EPHA3: variants seen among roughly 807,000 people sequenced by gnomAD.
The protein encoded by EPHA3 is EPH receptor A3, also known as ephrin type-A receptor 3.
Under a neutral mutation model 107.1 loss-of-function variants are expected in EPHA3, and 42 were observed. That is an observed-to-expected ratio of 0.39 (90% CI 0.31 to 0.51). The LOEUF (loss-of-function observed/expected upper bound fraction) is 0.51. Ranked by LOEUF, EPHA3 falls within the 20% of genes least tolerant of loss-of-function variation. The pLI, the probability that EPHA3 is intolerant of heterozygous loss-of-function variation, is 0.78. For synonymous variants in EPHA3, 461 were observed against 424.8 expected, an observed-to-expected ratio of 1.09 and a Z score of -1.05; for missense variants, 1,183 against 1,211.2, an observed-to-expected ratio of 0.98 and a Z score of 0.35.
chr3:89,192,470 A>G (rs760302621), intron 2 of EPHA3, among the ~76,000 whole-genome samples: 6 of 151,978 alleles, frequency 3.9e-5, no homozygotes, highest in Non-Finnish European at 7.4e-5. Flanking sequence ...TATACTACAT[A>G]CACTAAGAAA....
chr3:89,339,370 C>CAAAA (rs10575384), intron 3 of EPHA3, among the ~76,000 whole-genome samples: 25 of 106,426 alleles, frequency 2.3e-4, no homozygotes, highest in South Asian at 3.4e-4. Flanking sequence ...GACTCCATCT[C>CAAAA]AAAAAAAAAA....
At chr3:89,154,956 C>T (rs1445394902) in intron 2 of EPHA3, among the ~76,000 whole-genome samples, 1 of 149,064 alleles carries the variant, frequency 6.7e-6, no homozygotes, top group Non-Finnish European at 1.5e-5. Context: ...CCATTAGAAA[C>T]ATAATTCTGT....
chr3:89,282,801 C>A (rs1178617508), intron 3 of EPHA3, among the ~76,000 whole-genome samples: 1 of 152,012 alleles, frequency 6.6e-6, no homozygotes, highest in East Asian at 1.9e-4. Context: ...CAGTCTCCTG[C>A]ACCAAAACTG....
At chr3:89,118,478 A>G (rs1317858477) in intron 1 of EPHA3, among the ~76,000 whole-genome samples, 1 of 151,848 alleles carries the variant, frequency 6.6e-6, no homozygotes, top group African/African-American at 2.4e-5. Flanking sequence ...ATTCCTTTAA[A>G]TTTTTCTTTC....
chr3:89,168,471 A>T (rs1449166385), intron 2 of EPHA3, among the ~76,000 whole-genome samples: 1 of 152,256 alleles, frequency 6.6e-6, no homozygotes, highest in African/African-American at 2.4e-5. Flanking sequence ...AAAAAAATTT[A>T]AAAACAGCAT....
chr3:89,439,738 C>CACACACACACACACACAT (rs1424015721), intron 13 of EPHA3, among the ~76,000 whole-genome samples: 2 of 151,814 alleles, frequency 1.3e-5, no homozygotes, highest in Admixed American at 6.6e-5. Context: ...CACACACACA[C>CACACACACACACACACAT]ACACACACAC....
chr3:89,255,903 AAAATAAAT>A (rs531479796), intron 3 of EPHA3, among the ~76,000 whole-genome samples: 5 of 151,666 alleles, frequency 3.3e-5, no homozygotes, highest in African/African-American at 4.9e-5. Context: ...TCCATCTCAA[AAAATAAAT>A]AAATAAATAA....
chr3:89,256,776 TTGTC>T (rs1321689451), intron 3 of EPHA3, among the ~76,000 whole-genome samples: 2 of 152,148 alleles, frequency 1.3e-5, no homozygotes, highest in Non-Finnish European at 2.9e-5. Context: ...GCTCTATCAT[TTGTC>T]TGTCTTTTAT....
chr3:89,245,460 A>C (rs1268605658), intron 3 of EPHA3, among the ~76,000 whole-genome samples: 2 of 152,226 alleles, frequency 1.3e-5, no homozygotes, highest in African/African-American at 4.8e-5. Flanking sequence ...ATAACTTGTA[A>C]TTGATGAATA....
intron 9 of EPHA3, among the ~76,000 whole-genome samples, chr3:89,408,689 A>G (rs1397792919): frequency 3.9e-5 from 6 of 152,138 alleles, no homozygotes; most frequent in Non-Finnish European, 7.4e-5. Flanking sequence ...TACACATTTC[A>G]GAAACAAAGT....
intron 3 of EPHA3, among the ~76,000 whole-genome samples, chr3:89,331,721 A>C (rs764405573): frequency 1.3e-4 from 20 of 152,130 alleles, no homozygotes; most frequent in Non-Finnish European, 2.6e-4. Context: ...TGTTCATCTA[A>C]AATTAAATTA....
At chr3:89,467,859 A>T (rs1225883509) in intron 15 of EPHA3, among the ~76,000 whole-genome samples, 1 of 152,200 alleles carries the variant, frequency 6.6e-6, no homozygotes, top group African/African-American at 2.4e-5. Context: ...CTGATTTATG[A>T]AAAGCTGTAA....
At chr3:89,258,525 G>A (rs548044277) in intron 3 of EPHA3, among the ~76,000 whole-genome samples, 33 of 152,114 alleles carry the variant, frequency 2.2e-4, no homozygotes, top group African/African-American at 7.2e-4. Flanking sequence ...TCACCACATA[G>A]AGTAGGAAAA....
chr3:89,174,279 A>G (rs1705273609), intron 2 of EPHA3, among the ~76,000 whole-genome samples: 1 of 152,008 alleles, frequency 6.6e-6, no homozygotes. Context: ...CATAGTAATA[A>G]GATTATAATA....
intron 2 of EPHA3, among the ~76,000 whole-genome samples, chr3:89,201,673 G>A (rs980388392): frequency 2.0e-5 from 3 of 152,140 alleles, no homozygotes; most frequent in Admixed American, 6.5e-5. Flanking sequence ...TTTCTTAAAT[G>A]AATCTGTATC....
At chr3:89,243,674 G>A (rs6794975) in intron 3 of EPHA3, among the ~76,000 whole-genome samples, 40,458 of 152,024 alleles carry the variant, frequency 0.27, 5,651 homozygotes, top group African/African-American at 0.32. Flanking sequence ...TTCGTCAGAT[G>A]AGTAGATTGC....
chr3:89,478,667 C>T (rs1351418028), intron 16 of EPHA3, among the ~76,000 whole-genome samples: 2 of 152,106 alleles, frequency 1.3e-5, no homozygotes, highest in African/African-American at 4.8e-5. Context: ...TAGAGGCTGG[C>T]AGTTTCCTAA....
At chr3:89,432,719 T>A (rs1015664234) in intron 13 of EPHA3, among the ~76,000 whole-genome samples, 16 of 152,266 alleles carry the variant, frequency 1.1e-4, no homozygotes, top group Middle Eastern at 3.4e-3. Context: ...TCGATTTTTT[T>A]AAATAAATTT....
chr3:89,184,854 G>T (rs769117266), intron 2 of EPHA3, among the ~76,000 whole-genome samples: 4 of 151,998 alleles, frequency 2.6e-5, no homozygotes, highest in Non-Finnish European at 5.9e-5. Context: ...ATGTGAAGCT[G>T]GAAACTACTG....
Sources: gnomAD v4.1 joint callset for allele counts (sites outside exome capture counted in the v4.1 genomes callset) on GRCh38, gnomAD v4.1.1 for gene constraint, MANE v1.5 for transcripts, NCBI Gene and HGNC (gene_info 2026-07-23, HGNC 2026-07-21) for gene names.